Variants in RXRA observed in about 807,000 individuals in gnomAD.
The protein encoded by RXRA is retinoid X receptor alpha.
A neutral mutation model predicts 44.5 loss-of-function variants in RXRA; 5 were observed. That is an observed-to-expected ratio of 0.11 (90% confidence interval 0.06 to 0.24). The LOEUF (loss-of-function observed/expected upper bound fraction) is 0.24. Among genes scored for constraint, RXRA ranks in the 10% least tolerant of loss-of-function variants. The probability of loss-of-function intolerance (pLI) is 1.00; values close to 1 mark genes in which losing one functional copy is unlikely to be tolerated. For synonymous variants in RXRA, 291 were observed against 271.4 expected (o/e 1.07, Z -0.71); for missense variants, 412 against 646.5 (o/e 0.64, Z 3.93).
intron 1 of RXRA, among the ~76,000 whole-genome samples, chr9:134,372,589 A>G (rs1189025495): frequency 6.6e-6 from 1 of 152,114 alleles, no homozygotes; most frequent in Non-Finnish European, 1.5e-5. Context: ...CCTCCCCATC[A>G]TCTTATGGGG....
chr9:134,401,052 G>A (rs1000308760), intron 1 of RXRA, among the ~76,000 whole-genome samples: 33 of 152,358 alleles, frequency 2.2e-4, no homozygotes, highest in African/African-American at 7.9e-4. Flanking sequence ...GCCACAGGTG[G>A]CTCTGAGTAC....
rs1229132885 is a variant in RXRA at position 134,354,253 on chromosome 9, G to A, written c.28+27594G>A. The stretch of plus-strand genomic sequence containing the variant: ...CCGAGTGCTCCCATCCTGGCCCTGC[G>A]GTCTCTGCGGCTAATCTAATGTCTC... On this transcript the variant is annotated intron_variant, in intron 1 of 9. Coordinates refer to ENST00000481739, the MANE Select transcript of RXRA (RefSeq NM_002957.6). Among the ~76,000 whole-genome samples the A allele has an allele frequency of 5.3e-5, 8 of 152,192 alleles. 1 individual carries two copies. The highest frequency in any genetic ancestry group is 2.6e-4 in the Admixed American group (4 of 15,286).
chr9:134,417,610 G>T lies in RXRA; in HGVS notation c.780+283G>T, dbSNP rs1175821944. ...GCCCTGCGGCCACATCATCATCCTCGGCCACCTCTGCTGGGGCCTCAGCCG... is the reference window on the plus strand; with the variant it reads ...GCCCTGCGGCCACATCATCATCCTCTGCCACCTCTGCTGGGGCCTCAGCCG... On this transcript the variant is annotated intron_variant, in intron 5 of 9. Transcript: ENST00000481739. The surrounding 1 kb of genome is among the most constrained non-coding windows in gnomAD (Gnocchi z 6.1). Among the ~76,000 whole-genome samples, 1 of 152,082 alleles carries T rather than the reference G, an allele frequency of 6.6e-6. No individual in the cohort carries two copies. Among genetic ancestry groups the T allele is most frequent in the Non-Finnish European group, 1.5e-5 (1 of 67,990 alleles).
chr9:134,427,186 AG>A (rs1831448982), intron 6 of RXRA: 12 of 923,198 alleles, frequency 1.3e-5, no homozygotes, highest in African/African-American at 7.3e-5. Context: ...AAAAAAAAAG[AG>A]GGTTCTGTGG....
chr9:134,422,066 G>C lies in RXRA; in HGVS notation c.910+261G>C, dbSNP rs756467745. On this transcript the variant is annotated intron_variant, in intron 6 of 9. Coordinates refer to ENST00000481739, the MANE Select transcript of RXRA (RefSeq NM_002957.6). ...TCTCCCAGGACGCTCCCCTCTCCCA[G>C]GACGCTCCCCTCTCCCAGGACACTC... The C allele has an allele frequency of 9.7e-5, 125 of 1,289,410 alleles. No homozygotes were observed. In the South Asian group the frequency reaches 1.4e-3, roughly 15 times the overall value. The allele number at this position is 1,289,410 out of a possible 1,614,324, so 79.9% of individuals were successfully genotyped here.
Position 134,401,801 on chromosome 9 carries a change from G to A in RXRA, c.198G>A (p.Ser66=), listed in dbSNP as rs556693054. 3.2e-5 allele frequency: 52 copies of A among 1,612,990 alleles called. No individual in the cohort carries two copies. The highest frequency in any genetic ancestry group is 1.8e-4 in the Admixed American group (11 of 60,010). ...TCAACGGCATGGGCCCGCCTTTCTC[G>A]GTCATCAGCTCCCCCATGGGCCCCC... ...SPINGMGPPF[S]VISSPMGPHS... The change falls in exon 2 of 10, where the codon TCG becomes TCA. Residue 66 remains serine, a synonymous_variant. Transcript: ENST00000481739.
At chr9:134,379,159 C>A in intron 1 of RXRA, 1 of 637,696 alleles carries the variant, frequency 1.6e-6, no homozygotes, top group Non-Finnish European at 2.0e-6. Context: ...ACCTCCTCTG[C>A]ACAGCAGGAC....
At chr9:134,339,863 G>T (rs886946625) in intron 1 of RXRA, among the ~76,000 whole-genome samples, 1 of 149,098 alleles carries the variant, frequency 6.7e-6, no homozygotes, top group Non-Finnish European at 1.5e-5. Context: ...CCATGTGTGT[G>T]TGTCTGTGAA....
intron 1 of RXRA, among the ~76,000 whole-genome samples, chr9:134,368,652 G>GGT (rs1021126739): frequency 1.3e-5 from 2 of 150,588 alleles, no homozygotes; most frequent in South Asian, 2.1e-4. Context: ...TGTGTGTGAG[G>GGT]GTGTGTGTGT....
intron 1 of RXRA, among the ~76,000 whole-genome samples, chr9:134,364,568 TG>T (rs1223764004): frequency 1.3e-5 from 2 of 152,310 alleles, no homozygotes; most frequent in African/African-American, 4.8e-5. Context: ...ATGGTTCTGG[TG>T]GGGCCTCACC....
At position 134,422,642 on chromosome 9, in the gene RXRA, G is replaced by A. The variant is rs181962207; in HGVS notation, c.910+837G>A. 2,054 of 975,790 alleles carry A rather than the reference G, an allele frequency of 2.1e-3. 41 individuals carry two copies. The African/African-American group carries it at 0.035, about 17-fold the overall frequency. 60.4% of individuals were successfully genotyped at this position (975,790 alleles called of 1,614,324 possible). ...ACTCCCGGGACACTCCCCTCTCCCC[G>A]GACACTCCCCACTCCCCGGACACTC... On this transcript the variant is annotated intron_variant, in intron 6 of 9. Transcript: ENST00000481739.
chr9:134,342,657 C>T lies in RXRA; in HGVS notation c.28+15998C>T, dbSNP rs1244216488. On this transcript the variant is annotated intron_variant, in intron 1 of 9. Coordinates refer to ENST00000481739, the MANE Select transcript of RXRA (RefSeq NM_002957.6). This position sits in a 1 kb window ranked among gnomAD's most constrained non-coding sequence, Gnocchi z 4.4. ...GGCTGCGGGGCTGCGGGAGGAGGCC[C>T]CTGTGGTTCCCACAGGGCCATGTGT... is the stretch of plus-strand genomic sequence containing the variant. Among the ~76,000 whole-genome samples, 2 of 152,088 alleles carry T rather than the reference C, an allele frequency of 1.3e-5. No individual in the cohort carries two copies. The highest frequency in any genetic ancestry group is 2.4e-5 in the African/African-American group (1 of 41,414).
chr9:134,408,392 C>T, intron 3 of RXRA, 93 bp downstream of exon 3: 1 of 1,360,968 alleles, frequency 7.3e-7, no homozygotes, highest in Non-Finnish European at 9.9e-7. Flanking sequence ...TCCTGTGGGC[C>T]AAGCAGGACC....
In RXRA at chr9:134,421,795, G is replaced by A; in HGVS notation, c.900G>A (p.Leu300=). The change falls in exon 6 of 10, where the codon CTG becomes CTA. Residue 300 remains leucine, a synonymous_variant. Coordinates refer to ENST00000481739, the MANE Select transcript of RXRA (RefSeq NM_002957.6). ...SELPLDDQVI[L]LRAGWNELLI... ...TGCCCCTGGACGACCAGGTCATCCT[G>A]CTGCGGGCAGGTGAGTGGCGAGGCC... 6.2e-7 allele frequency: 1 copy of A among 1,612,892 alleles called. No individual in the cohort carries two copies. Among genetic ancestry groups the A allele is most frequent in the South Asian group, 1.1e-5 (1 of 91,016 alleles).
chr9:134,433,508 G>T lies in RXRA; in HGVS notation c.1136-594G>T, dbSNP rs964059925. Among the ~76,000 whole-genome samples the T allele has an allele frequency of 4.7e-5, 7 of 148,596 alleles. No homozygotes were observed. Among genetic ancestry groups the T allele is most frequent in the African/African-American group, 1.8e-4 (7 of 38,310 alleles). On this transcript the variant is annotated intron_variant, in intron 8 of 9. Transcript: ENST00000481739. This position sits in a 1 kb window ranked among gnomAD's most constrained non-coding sequence, Gnocchi z 4.2. Reference sequence around the variant, plus strand: ...CAGGCCAAGGTGGCATTCACAGGGGGTCCCTGGGCCTTGGGGGCCAAGGTG... The same window carrying T: ...CAGGCCAAGGTGGCATTCACAGGGGTTCCCTGGGCCTTGGGGGCCAAGGTG...
chr9:134,402,345 C>T lies in RXRA; in HGVS notation c.279+463C>T, dbSNP rs567909019. The T allele has an allele frequency of 8.6e-5, 14 of 163,084 alleles. 1 individual carries two copies. The highest frequency in any genetic ancestry group is 2.5e-4 in the Admixed American group (4 of 15,798). 10.1% of individuals were successfully genotyped at this position (163,084 alleles called of 1,614,324 possible). ...GGCTCAGGGCAGCTGCGTCCCCTCT[C>T]AGGGATGCCGGCCCTGGGACCTGCA... On this transcript the variant is annotated intron_variant, in intron 2 of 9. Coordinates refer to ENST00000481739, the MANE Select transcript of RXRA (RefSeq NM_002957.6).
chr9:134,358,177 G>T (rs969410974), intron 1 of RXRA, among the ~76,000 whole-genome samples: 1 of 152,248 alleles, frequency 6.6e-6, no homozygotes, highest in Non-Finnish European at 1.5e-5. Context: ...GCGTGAGCCC[G>T]TGCAGGACAG....
intron 1 of RXRA, among the ~76,000 whole-genome samples, chr9:134,331,961 C>T (rs1219796432): frequency 2.0e-5 from 3 of 152,190 alleles, no homozygotes; most frequent in African/African-American, 7.2e-5. Context: ...GGTCTTGGCC[C>T]GAGTGAGTGA....
chr9:134,331,613 C>T (rs377280570), intron 1 of RXRA, among the ~76,000 whole-genome samples: 1 of 152,230 alleles, frequency 6.6e-6, no homozygotes, highest in African/African-American at 2.4e-5. Flanking sequence ...TCACCCTACC[C>T]CCACGAAGGT....
Sources: allele counts gnomAD v4.1 joint callset (sites outside exome capture counted in the v4.1 genomes callset), GRCh38; gene constraint gnomAD v4.1.1; non-coding constraint Gnocchi (gnomAD v3.1); transcripts MANE v1.5; gene names NCBI Gene and HGNC (gene_info 2026-07-23, HGNC 2026-07-21).